Variants in H4C15 observed in about 807,000 individuals in gnomAD.
The protein encoded by H4C15 is H4 clustered histone 15, also known as histone H4.
At chr1:149,850,319 T>C (rs1352920260), downstream of H4C15, 2 of 1,291,546 alleles carry the variant, frequency 1.5e-6, no homozygotes, top group African/African-American at 1.5e-5. Flanking sequence ...AAAAGAGCCT[T>C]TGGAGACAAA....
chr1:149,850,231 C>G, downstream of H4C15: 1 of 954,650 alleles, frequency 1.0e-6, no homozygotes, highest in Non-Finnish European at 1.6e-6. Context: ...TAAAGTTAAC[C>G]AGACGTGAAG....
downstream of H4C15, chr1:149,850,514 C>A (rs782436888): frequency 2.5e-3 from 2,099 of 834,018 alleles, 6 homozygotes; most frequent in Non-Finnish European, 3.1e-3. Flanking sequence ...GATGGTGGAG[C>A]GCTTGTTGTA....
At chr1:149,855,051 C>CA (rs1225194587), downstream of H4C15, among the ~76,000 whole-genome samples, 174 of 7,436 alleles carry the variant, frequency 0.023, 16 homozygotes, top group African/African-American at 0.088. Flanking sequence ...GTGTCTCTAC[C>CA]AAAAAAAAAA....
chr1:149,847,008 C>T, the H4C15 span: 1 of 152,214 alleles, frequency 6.6e-6, no homozygotes, highest in African/African-American at 2.4e-5. Context: ...GCACTCCCTC[C>T]AGAGACCTTA....
At chr1:149,850,210 G>C (rs1559767414), downstream of H4C15, 6 of 766,752 alleles carry the variant, frequency 7.8e-6, no homozygotes, top group Non-Finnish European at 1.1e-5. Flanking sequence ...GCTTGGTGTT[G>C]TGTGCTCTCC....
chr1:149,858,626 GGGAAGGAAGAAA>G (rs1306657026), downstream of H4C15, among the ~76,000 whole-genome samples: 67 of 76,928 alleles, frequency 8.7e-4, 4 homozygotes, highest in Non-Finnish European at 1.3e-3. Flanking sequence ...AGGGAAGGAA[GGGAAGGAAGAAA>G]GGAAGGAAGG....
At chr1:149,846,286 T>G in the H4C15 span, 1 of 152,198 alleles carries the variant, frequency 6.6e-6, no homozygotes, top group African/African-American at 2.4e-5. Flanking sequence ...TCTAGACTTG[T>G]GCAATCACAA....
chr1:149,850,226 T>C (rs1559767433), downstream of H4C15: 1 of 890,164 alleles, frequency 1.1e-6, no homozygotes, highest in Non-Finnish European at 1.8e-6. Flanking sequence ...TCTCCTAAAG[T>C]TAACCAGACG....
At chr1:149,846,094 C>T in the H4C15 span, 2 of 151,948 alleles carry the variant, frequency 1.3e-5, no homozygotes, top group East Asian at 1.9e-4. Context: ...AGATAATCTA[C>T]CCTTTCTTTC....
chr1:149,845,445 C>T, the H4C15 span: 2 of 152,198 alleles, frequency 1.3e-5, no homozygotes. Flanking sequence ...TGACAGGTTT[C>T]ATCAGTTAAT....
At chr1:149,850,276 A>G (rs782094685), downstream of H4C15, 5 of 1,343,486 alleles carry the variant, frequency 3.7e-6, no homozygotes, top group South Asian at 3.7e-5. Context: ...AACACAAGAA[A>G]GATTCTTTAA....
At chr1:149,850,579 G>A, downstream of H4C15, 1 of 635,422 alleles carries the variant, frequency 1.6e-6, no homozygotes. Context: ...CGTTGAGGAA[G>A]GAGTTCATGA....
the H4C15 span, chr1:149,849,032 C>T: frequency 6.6e-6 from 1 of 152,174 alleles, no homozygotes; most frequent in Non-Finnish European, 1.5e-5. Flanking sequence ...TCTGGATCTC[C>T]CTTCAGTGTC....
downstream of H4C15, among the ~76,000 whole-genome samples, chr1:149,849,464 TATA>T (rs2092160929): frequency 6.6e-6 from 1 of 152,152 alleles, no homozygotes; most frequent in African/African-American, 2.4e-5. Context: ...GAGCAATCAG[TATA>T]ATATTTTGAG....
the H4C15 span, chr1:149,848,103 T>G: frequency 1.3e-5 from 2 of 152,228 alleles, no homozygotes; most frequent in Admixed American, 6.5e-5. Flanking sequence ...ATTTAAAATT[T>G]TTAAATAAAA....
At chr1:149,844,613 A>G in the H4C15 span, 45 of 152,324 alleles carry the variant, frequency 3.0e-4, no homozygotes, top group Non-Finnish European at 4.4e-4. Context: ...ACAAACTTAG[A>G]AAATACATGT....
chr1:149,847,918 G>C, the H4C15 span: 1 of 152,192 alleles, frequency 6.6e-6, no homozygotes, highest in Non-Finnish European at 1.5e-5. Context: ...TGAAAGACAG[G>C]AGTCTTCCCC....
At chr1:149,850,206 T>G (rs1553757565), downstream of H4C15, 2 of 743,144 alleles carry the variant, frequency 2.7e-6, no homozygotes, top group East Asian at 5.4e-5. Context: ...CTGTGCTTGG[T>G]GTTGTGTGCT....
downstream of H4C15, chr1:149,850,510 G>A (rs1273750141): frequency 8.5e-5 from 71 of 832,642 alleles, 1 homozygote; most frequent in Non-Finnish European, 1.2e-4. Flanking sequence ...ACGTGATGGT[G>A]GAGCGCTTGT....
Sources: allele counts gnomAD v4.1 joint callset (sites outside exome capture counted in the v4.1 genomes callset), GRCh38; gene constraint gnomAD v4.1.1; transcripts MANE v1.5; gene names NCBI Gene and HGNC (gene_info 2026-07-23, HGNC 2026-07-21).